BCL2: variants seen among roughly 807,000 people sequenced by gnomAD.
The protein encoded by BCL2 is apoptosis regulator Bcl-2.
A neutral mutation model predicts 14.2 loss-of-function variants in BCL2; 1 was observed. The observed-to-expected ratio is 0.07, with a 90% confidence interval of 0.02 to 0.33. BCL2 has a LOEUF of 0.33. BCL2 is among the 10% of genes least tolerant of loss of function. BCL2 has a pLI of 0.99. For synonymous variants in BCL2, 151 were observed against 137.2 expected (o/e 1.10, Z -0.70); for missense variants, 247 against 305.9 (o/e 0.81, Z 1.44).
At chr18:63,255,834 CCG>C (rs1911459405) in intron 2 of BCL2, among the ~76,000 whole-genome samples, 1 of 151,836 alleles carries the variant, frequency 6.6e-6, no homozygotes, top group Admixed American at 6.6e-5. Context: ...CCCTCCCCCC[CCG>C]CCACACACAC....
chr18:63,179,920 T>C (rs1733624044), intron 2 of BCL2, among the ~76,000 whole-genome samples: 2 of 152,224 alleles, frequency 1.3e-5, no homozygotes, highest in Non-Finnish European at 2.9e-5. Flanking sequence ...TATTCTCTGA[T>C]TGATCATTCA....
chr18:63,257,992 A>T (rs1455839540), intron 2 of BCL2, among the ~76,000 whole-genome samples: 6 of 152,226 alleles, frequency 3.9e-5, no homozygotes, highest in African/African-American at 1.4e-4. Context: ...ATGTGACTTA[A>T]TTTGGAAACA....
intron 2 of BCL2, among the ~76,000 whole-genome samples, chr18:63,301,711 T>A (rs951379942): frequency 5.3e-5 from 8 of 152,200 alleles, no homozygotes; most frequent in African/African-American, 1.9e-4. Flanking sequence ...TTGGAGAACA[T>A]TATGAATAAT....
chr18:63,227,587 GA>G (rs1910583039), intron 2 of BCL2, among the ~76,000 whole-genome samples: 1 of 152,136 alleles, frequency 6.6e-6, no homozygotes, highest in South Asian at 2.1e-4. Flanking sequence ...CAAATCAGTG[GA>G]AAACAGTGTA....
Position 63,127,984 on chromosome 18 carries a change from C to A in BCL2, c.*641G>T, listed in dbSNP as rs1368186676. ...GTGGAAATCTCAGTGGGTACTAGGT[C>A]CATCTGAAGTTCCCAACTCTTTTCC... On this transcript the variant is annotated 3_prime_UTR_variant, in exon 3 of 3. Coordinates refer to ENST00000333681, the MANE Select transcript of BCL2 (RefSeq NM_000633.3). 2 of 225,364 alleles carry A rather than the reference C, an allele frequency of 8.9e-6. No homozygotes were observed. The highest frequency in any genetic ancestry group is 1.8e-5 in the Non-Finnish European group (2 of 112,876). The allele number at this position is 225,364 out of a possible 1,614,324, so 14.0% of individuals were successfully genotyped here. A position where few individuals can be genotyped will look rare whatever the true frequency, so the allele number is the denominator to read the frequency against.
intron 2 of BCL2, among the ~76,000 whole-genome samples, chr18:63,266,631 T>TCACA (rs1911832677): frequency 1.4e-5 from 2 of 146,770 alleles, no homozygotes; most frequent in African/African-American, 5.2e-5. Context: ...TCTCTCTCTC[T>TCACA]CTCTCTCACA....
At chr18:63,220,575 T>C (rs1568238048) in intron 2 of BCL2, among the ~76,000 whole-genome samples, 1 of 152,194 alleles carries the variant, frequency 6.6e-6, no homozygotes, top group African/African-American at 2.4e-5. Flanking sequence ...GGAAAACACT[T>C]TGGAAAATGG....
rs189222312 is a variant in BCL2, at chr18:63,195,301, G to A, written c.586-66542C>T. Reference sequence around the variant, plus strand: ...TCATCTCTATCTCCTCACTTCAGAAGTCCCATGCCTGGACTGTGGCGGCCC... The same window carrying A: ...TCATCTCTATCTCCTCACTTCAGAAATCCCATGCCTGGACTGTGGCGGCCC... On this transcript the variant is annotated intron_variant, in intron 2 of 2. Transcript: ENST00000333681. Among the ~76,000 whole-genome samples the A allele has an allele frequency of 7.6e-4, 115 of 152,310 alleles. 1 individual carries two copies. The highest frequency in any genetic ancestry group is 1.2e-3 in the Non-Finnish European group (85 of 68,024).
chr18:63,129,640 T>G, intron 2 of BCL2, among the ~76,000 whole-genome samples: 1 of 152,212 alleles, frequency 6.6e-6, no homozygotes, highest in African/African-American at 2.4e-5. Flanking sequence ...ATGAAAAAGC[T>G]GAGAATCGCA....
At chr18:63,256,365 C>CA (rs1225541767) in intron 2 of BCL2, among the ~76,000 whole-genome samples, 6 of 152,116 alleles carry the variant, frequency 3.9e-5, no homozygotes, top group Non-Finnish European at 8.8e-5. Flanking sequence ...TACAGGTGTG[C>CA]ACCACCACAC....
At chr18:63,132,503 G>A (rs1311563993) in intron 2 of BCL2, among the ~76,000 whole-genome samples, 2 of 152,136 alleles carry the variant, frequency 1.3e-5, no homozygotes, top group African/African-American at 2.4e-5. Context: ...TATACATCCC[G>A]TGTTCTGGTC....
chr18:63,316,998 A>G (rs1913518564), intron 2 of BCL2: 1 of 152,176 alleles, frequency 6.6e-6, no homozygotes, highest in Admixed American at 6.5e-5. Context: ...TAGATATGAG[A>G]TATAGATCTC....
chr18:63,171,069 TATA>T (rs764606969), intron 2 of BCL2, among the ~76,000 whole-genome samples: 1 of 152,234 alleles, frequency 6.6e-6, no homozygotes, highest in South Asian at 2.1e-4. Context: ...TTCTTACTGT[TATA>T]ATGTTTTCCT....
In BCL2 at chr18:63,245,710, C is replaced by A. The variant is rs984897133; in HGVS notation, c.585+72372G>T. Among the ~76,000 whole-genome samples, 2 of 152,006 alleles carry A rather than the reference C, an allele frequency of 1.3e-5. 1 individual carries two copies. Among genetic ancestry groups the A allele is most frequent in the Admixed American group, 1.3e-4 (2 of 15,284 alleles). On this transcript the variant is annotated intron_variant, in intron 2 of 2. Coordinates refer to ENST00000333681, the MANE Select transcript of BCL2 (RefSeq NM_000633.3). ...ATAATGTGATGCTATATACATGATA[C>A]CATTTACTATTGTTATGCAAGACGT... is the stretch of plus-strand genomic sequence containing the variant.
At chr18:63,290,681 C>A (rs1471518850) in intron 2 of BCL2, among the ~76,000 whole-genome samples, 1 of 152,142 alleles carries the variant, frequency 6.6e-6, no homozygotes, top group Non-Finnish European at 1.5e-5. Context: ...GGAGCCCTTG[C>A]TTTGGAGAGA....
chr18:63,284,778 A>G (rs1027693692), intron 2 of BCL2, among the ~76,000 whole-genome samples: 3 of 152,066 alleles, frequency 2.0e-5, no homozygotes, highest in African/African-American at 4.8e-5. Flanking sequence ...ATTTGGTTGC[A>G]ATGTATTCCA....
At chr18:63,243,195 G>C (rs1399709617) in intron 2 of BCL2, among the ~76,000 whole-genome samples, 1 of 152,196 alleles carries the variant, frequency 6.6e-6, no homozygotes, top group African/African-American at 2.4e-5. Context: ...AAAAGAATTA[G>C]ATCATGTCTT....
At chr18:63,190,033 C>T (rs1445392103) in intron 2 of BCL2, among the ~76,000 whole-genome samples, 2 of 152,154 alleles carry the variant, frequency 1.3e-5, no homozygotes, top group Non-Finnish European at 2.9e-5. Context: ...GTTTACTGCA[C>T]TTAAGATAAA....
intron 2 of BCL2, among the ~76,000 whole-genome samples, chr18:63,267,754 A>C (rs147795645): frequency 6.6e-6 from 1 of 152,304 alleles, no homozygotes; most frequent in East Asian, 1.9e-4. Context: ...GCTGCCACCA[A>C]TGGTCCCTCT....
Sources: gnomAD v4.1 joint callset for allele counts (sites outside exome capture counted in the v4.1 genomes callset) on GRCh38, gnomAD v4.1.1 for gene constraint, MANE v1.5 for transcripts, NCBI Gene and HGNC (gene_info 2026-07-23, HGNC 2026-07-21) for gene names.